Variants in PSMD1 observed in about 807,000 individuals in gnomAD.
PSMD1 encodes the protein proteasome 26S subunit, non-ATPase 1, also known as 26S proteasome non-ATPase regulatory subunit 1.
PSMD1 carries 18 observed loss-of-function variants against 119.0 expected under a neutral mutation model. The ratio of observed to expected loss-of-function variants is 0.15; its 90% CI spans 0.10 to 0.22. The LOEUF is 0.22. PSMD1 is among the 10% of genes least tolerant of loss of function. The probability of loss-of-function intolerance (pLI) is 1.00; values close to 1 mark genes in which losing one functional copy is unlikely to be tolerated. For missense variants in PSMD1, 702 were observed against 1,158.5 expected, an observed-to-expected ratio of 0.61 and a Z score of 5.72; for synonymous variants, 374 against 396.6, an observed-to-expected ratio of 0.94 and a Z score of 0.68.
chr2:231,110,998 A>C (rs1012340995), intron 16 of PSMD1, among the ~76,000 whole-genome samples: 2 of 152,124 alleles, frequency 1.3e-5, no homozygotes, highest in African/African-American at 4.8e-5. Context: ...TTGCCTTTTG[A>C]AGTTTATTTT....
At chr2:231,161,047 A>G (rs913263989) in intron 19 of PSMD1, among the ~76,000 whole-genome samples, 1 of 152,088 alleles carries the variant, frequency 6.6e-6, no homozygotes, top group Admixed American at 6.6e-5. Context: ...CCTCGTCTCT[A>G]CAAAAAATTT....
chr2:231,085,209 AC>A, intron 15 of PSMD1, 95 bp downstream of exon 15: 1 of 997,746 alleles, frequency 1.0e-6, no homozygotes, highest in Non-Finnish European at 1.6e-6. Flanking sequence ...ACAGCGCATG[AC>A]CACCACCAGT....
At position 231,067,052 on chromosome 2, in the gene PSMD1, A is replaced by G. The variant is rs200311253; in HGVS notation, c.451A>G (p.Ile151Val). Residue 151 changes from isoleucine (I) to valine (V), a missense_variant, in exon 5 of 25, where the codon ATT becomes GTT. This residue lies in a region of PSMD1 where 8 missense variants were observed against 27.1 expected (regional missense o/e 0.30). Transcript: ENST00000308696. The part of the protein sequence containing the change: ...CLDDHKYKQA[I>V]GIALETRRLD... ...AGATGATCACAAGTATAAACAGGCT[A>G]TTGGCATTGCTCTGGAGACACGAAG... 1.9e-6 allele frequency: 3 copies of G among 1,614,072 alleles called. No homozygotes were observed. Among genetic ancestry groups the G allele is most frequent in the South Asian group, 1.1e-5 (1 of 91,042 alleles).
At chr2:231,151,531 T>C (rs1416040323) in intron 18 of PSMD1, among the ~76,000 whole-genome samples, 1 of 152,194 alleles carries the variant, frequency 6.6e-6, no homozygotes, top group East Asian at 1.9e-4. Context: ...GATAAGCCTA[T>C]TGTATAGTTG....
intron 16 of PSMD1, among the ~76,000 whole-genome samples, chr2:231,095,819 G>A (rs1694710807): frequency 6.6e-6 from 1 of 152,220 alleles, no homozygotes; most frequent in South Asian, 2.1e-4. Context: ...TTAATAGCCT[G>A]TAAGTCATGC....
At chr2:231,161,249 A>AG (rs1696632925) in intron 19 of PSMD1, 91 bp from the exon 20 acceptor site, 41 of 1,304,252 alleles carry the variant, frequency 3.1e-5, no homozygotes, top group Middle Eastern at 3.9e-4. Flanking sequence ...AAAAAAAAAA[A>AG]AAAGAAAGAA....
chr2:231,069,284 A>G (rs973836881), intron 5 of PSMD1, among the ~76,000 whole-genome samples: 5 of 150,922 alleles, frequency 3.3e-5, no homozygotes, highest in African/African-American at 7.3e-5. Flanking sequence ...ACTAATACCT[A>G]CTCTTACTAC....
chr2:231,102,930 A>G (rs576254318), intron 16 of PSMD1, among the ~76,000 whole-genome samples: 1 of 152,316 alleles, frequency 6.6e-6, no homozygotes, highest in South Asian at 2.1e-4. Flanking sequence ...TTATGAAATT[A>G]CACAGTAAGT....
intron 16 of PSMD1, among the ~76,000 whole-genome samples, chr2:231,091,335 G>T (rs1027690365): frequency 2.0e-5 from 3 of 152,156 alleles, no homozygotes; most frequent in African/African-American, 7.2e-5. Flanking sequence ...TTGCTCTTAA[G>T]AGAATTTAAC....
chr2:231,063,788 CAG>C (rs1176384213), intron 4 of PSMD1, among the ~76,000 whole-genome samples: 1 of 151,600 alleles, frequency 6.6e-6, no homozygotes, highest in Non-Finnish European at 1.5e-5. Context: ...AAGCTAGAAG[CAG>C]GGGGTGAAAT....
At chr2:231,110,982 A>G (rs1386532114) in intron 16 of PSMD1, among the ~76,000 whole-genome samples, 2 of 152,132 alleles carry the variant, frequency 1.3e-5, no homozygotes, top group African/African-American at 2.4e-5. Flanking sequence ...TTCTCCCCCA[A>G]AACACTTGCC....
chr2:231,073,628 G>A (rs1694092270), intron 7 of PSMD1, among the ~76,000 whole-genome samples: 1 of 152,036 alleles, frequency 6.6e-6, no homozygotes, highest in Admixed American at 6.5e-5. Context: ...CAGGAATATG[G>A]TGATCTTTTT....
chr2:231,087,369 T>C lies in PSMD1; in HGVS notation c.1883+188T>C, dbSNP rs547215309. Among the ~76,000 whole-genome samples, 29 of 152,310 alleles carry C rather than the reference T, an allele frequency of 1.9e-4. No homozygotes were observed. In the South Asian group the frequency reaches 5.4e-3, roughly 28 times the overall value. Reference sequence around the variant, plus strand: ...TGTTCATCTGAAAAAGAACAAAGCATATCATGGGATTCTGAGAACCTCTTT... The same window carrying C: ...TGTTCATCTGAAAAAGAACAAAGCACATCATGGGATTCTGAGAACCTCTTT... On this transcript the variant is annotated intron_variant, in intron 16 of 24. Transcript: ENST00000308696.
intron 16 of PSMD1, among the ~76,000 whole-genome samples, chr2:231,107,744 A>G (rs1695010891): frequency 6.6e-6 from 1 of 152,204 alleles, no homozygotes; most frequent in South Asian, 2.1e-4. Context: ...TCTCACTTAA[A>G]GTTTGTATCC....
chr2:231,150,383 GATATATACAGAT>G (rs1320506343), intron 18 of PSMD1, among the ~76,000 whole-genome samples: 2 of 151,348 alleles, frequency 1.3e-5, no homozygotes, highest in Non-Finnish European at 2.9e-5. Flanking sequence ...TGTCTATATA[GATATATACAGAT>G]ATATATACAC....
At chr2:231,125,278 G>A (rs1412067894) in intron 16 of PSMD1, among the ~76,000 whole-genome samples, 5 of 152,118 alleles carry the variant, frequency 3.3e-5, no homozygotes, top group Admixed American at 2.6e-4. Context: ...ATATTTGGGG[G>A]GACTGTAATA....
chr2:231,108,491 A>G, intron 16 of PSMD1: 5 of 1,555,584 alleles, frequency 3.2e-6, no homozygotes, highest in East Asian at 2.2e-5. Flanking sequence ...ACTCATCATT[A>G]TGTTTGATGA....
At chr2:231,100,926 G>C (rs560704518) in intron 16 of PSMD1, among the ~76,000 whole-genome samples, 5 of 152,296 alleles carry the variant, frequency 3.3e-5, no homozygotes, top group South Asian at 2.1e-4. Context: ...CTCGCAATCT[G>C]TTGCAGCGTT....
intron 13 of PSMD1, 78 bp downstream of exon 13, chr2:231,083,072 T>C: frequency 9.2e-7 from 1 of 1,083,232 alleles, no homozygotes; most frequent in Non-Finnish European, 1.3e-6. Flanking sequence ...CTACCTATAT[T>C]TTGTAGCCTC....
Sources: gnomAD v4.1 joint callset for allele counts (sites outside exome capture counted in the v4.1 genomes callset) on GRCh38, gnomAD v4.1.1 for gene constraint, gnomAD v4.1.1 regional missense constraint, MANE v1.5 for transcripts, NCBI Gene and HGNC (gene_info 2026-07-23, HGNC 2026-07-21) for gene names.